HS3ST4: variants seen among roughly 807,000 people sequenced by gnomAD.
The protein encoded by HS3ST4 is heparan sulfate-glucosamine 3-sulfotransferase 4.
A neutral mutation model predicts 29.2 loss-of-function variants in HS3ST4; 17 were observed. That is an observed-to-expected ratio of 0.58 (90% CI 0.40 to 0.87). The LOEUF (loss-of-function observed/expected upper bound fraction) is 0.87, where lower values mean the gene tolerates loss of function less well. Ranked by LOEUF, HS3ST4 falls within the 40% of genes least tolerant of loss-of-function variation. The probability of loss-of-function intolerance (pLI) is 0.00; values close to 1 mark genes in which losing one functional copy is unlikely to be tolerated. For missense variants in HS3ST4, 627 were observed against 634.5 expected, an observed-to-expected ratio of 0.99 and a Z score of 0.13; for synonymous variants, 314 against 285.7, an observed-to-expected ratio of 1.10 and a Z score of -1.00.
intron 1 of HS3ST4, among the ~76,000 whole-genome samples, chr16:25,958,818 C>T (rs1968763266): frequency 6.6e-6 from 1 of 152,168 alleles, no homozygotes; most frequent in Admixed American, 6.5e-5. Context: ...CTCCTCACAG[C>T]ATGCTGGTTT....
At chr16:25,920,489 A>G (rs775799477) in intron 1 of HS3ST4, among the ~76,000 whole-genome samples, 7 of 151,888 alleles carry the variant, frequency 4.6e-5, no homozygotes, top group Non-Finnish European at 1.0e-4. Flanking sequence ...CTGTTTCTCA[A>G]ACACTCTGGC....
intron 1 of HS3ST4, among the ~76,000 whole-genome samples, chr16:25,892,853 T>TA (rs1359492602): frequency 6.6e-6 from 1 of 152,174 alleles, no homozygotes; most frequent in Non-Finnish European, 1.5e-5. Flanking sequence ...ACCAGGGATA[T>TA]AGCAGTGAAC....
intron 1 of HS3ST4, among the ~76,000 whole-genome samples, chr16:25,823,968 G>C (rs4583240): frequency 0.35 from 52,762 of 152,116 alleles, 9,308 homozygotes; most frequent in East Asian, 0.48. Flanking sequence ...TAGAGAACTT[G>C]AATAAAGTGA....
At chr16:25,879,959 C>T (rs889992307) in intron 1 of HS3ST4, among the ~76,000 whole-genome samples, 6 of 152,010 alleles carry the variant, frequency 3.9e-5, no homozygotes, top group East Asian at 3.9e-4. Context: ...TTCACTACCA[C>T]GAGAACAGTA....
intron 1 of HS3ST4, among the ~76,000 whole-genome samples, chr16:25,804,149 G>A (rs983450604): frequency 1.3e-5 from 2 of 152,112 alleles, no homozygotes; most frequent in Non-Finnish European, 2.9e-5. Context: ...GTGAGAATTC[G>A]ATGTGATAGT....
intron 1 of HS3ST4, among the ~76,000 whole-genome samples, chr16:25,832,844 T>C (rs1016093674): frequency 6.6e-6 from 1 of 152,200 alleles, no homozygotes; most frequent in African/African-American, 2.4e-5. Context: ...GATAGCACAA[T>C]TTGCAGCAAA....
At chr16:25,776,754 C>T (rs542245743) in intron 1 of HS3ST4, among the ~76,000 whole-genome samples, 19 of 152,322 alleles carry the variant, frequency 1.2e-4, no homozygotes, top group East Asian at 7.7e-4. Context: ...AACCCTTTCA[C>T]GAATGTTCTT....
intron 1 of HS3ST4, among the ~76,000 whole-genome samples, chr16:25,806,389 C>T (rs1202859176): frequency 6.6e-6 from 1 of 152,102 alleles, no homozygotes; most frequent in African/African-American, 2.4e-5. Flanking sequence ...CCATTTTCCT[C>T]AAGTCCCCTA....
intron 1 of HS3ST4, among the ~76,000 whole-genome samples, chr16:25,920,608 C>CT (rs765957650): frequency 0.01 from 1,346 of 133,836 alleles, 21 homozygotes; most frequent in Middle Eastern, 0.023. Context: ...CCCCACCCCT[C>CT]TTTTTTTTTT....
Position 25,757,724 on chromosome 16 carries a change from C to T in HS3ST4, c.734+64573C>T, listed in dbSNP as rs116341522. Among the ~76,000 whole-genome samples, 165 of 151,932 alleles carry T rather than the reference C, an allele frequency of 1.1e-3. 1 individual carries two copies. Among genetic ancestry groups the T allele is most frequent in the African/African-American group, 3.7e-3 (152 of 41,438 alleles). Reference sequence around the variant, plus strand: ...TCTAATTTAGAGGGAACATCAAACTCGGCATTTTTCTTCCTGGAGGCTACC... The same window carrying T: ...TCTAATTTAGAGGGAACATCAAACTTGGCATTTTTCTTCCTGGAGGCTACC... On this transcript the variant is annotated intron_variant, in intron 1 of 1. Transcript: ENST00000331351.
intron 1 of HS3ST4, among the ~76,000 whole-genome samples, chr16:26,049,746 C>T (rs974939208): frequency 2.0e-5 from 3 of 152,166 alleles, no homozygotes; most frequent in Admixed American, 1.3e-4. Flanking sequence ...TTACCTGTGC[C>T]TCTAACCGGT....
chr16:25,964,147 C>T (rs1439875439), intron 1 of HS3ST4, among the ~76,000 whole-genome samples: 2 of 150,976 alleles, frequency 1.3e-5, no homozygotes, highest in African/African-American at 4.9e-5. Flanking sequence ...TGCACTCCAG[C>T]CTGAGTGACA....
At chr16:25,959,696 T>A (rs1277126137) in intron 1 of HS3ST4, among the ~76,000 whole-genome samples, 1 of 152,174 alleles carries the variant, frequency 6.6e-6, no homozygotes, top group East Asian at 1.9e-4. Context: ...GGTTTGGATA[T>A]TTGTCCCCTC....
chr16:26,103,688 T>C (rs770170787), intron 1 of HS3ST4, among the ~76,000 whole-genome samples: 2 of 152,220 alleles, frequency 1.3e-5, no homozygotes, highest in Non-Finnish European at 1.5e-5. Flanking sequence ...GCTTAATTAA[T>C]CTAACACTAT....
At chr16:25,896,081 C>T (rs998096971) in intron 1 of HS3ST4, among the ~76,000 whole-genome samples, 3 of 152,154 alleles carry the variant, frequency 2.0e-5, no homozygotes, top group Non-Finnish European at 4.4e-5. Flanking sequence ...CCAACAGAAT[C>T]TCAGTCTCTT....
At chr16:25,755,905 G>C (rs2141603843) in intron 1 of HS3ST4, among the ~76,000 whole-genome samples, 1 of 152,190 alleles carries the variant, frequency 6.6e-6, no homozygotes, top group Middle Eastern at 3.4e-3. Flanking sequence ...TTATAGTAAA[G>C]AGGAAAGTGA....
intron 1 of HS3ST4, among the ~76,000 whole-genome samples, chr16:25,897,839 C>T (rs1443561252): frequency 1.3e-5 from 2 of 152,258 alleles, no homozygotes; most frequent in Non-Finnish European, 2.9e-5. Flanking sequence ...AGTTTATGTT[C>T]AGGTGCTTTG....
At chr16:25,805,437 C>G (rs1966980509) in intron 1 of HS3ST4, among the ~76,000 whole-genome samples, 1 of 152,136 alleles carries the variant, frequency 6.6e-6, no homozygotes, top group African/African-American at 2.4e-5. Flanking sequence ...ATTAGAAAGT[C>G]CTTGAGACAG....
intron 1 of HS3ST4, among the ~76,000 whole-genome samples, chr16:26,069,677 G>C (rs562259083): frequency 2.4e-4 from 37 of 151,292 alleles, no homozygotes; most frequent in Non-Finnish European, 5.9e-5. Flanking sequence ...ATCTACATTA[G>C]GTATATCTCC....
Sources: gnomAD v4.1 joint callset for allele counts (sites outside exome capture counted in the v4.1 genomes callset) on GRCh38, gnomAD v4.1.1 for gene constraint, MANE v1.5 for transcripts, NCBI Gene and HGNC (gene_info 2026-07-23, HGNC 2026-07-21) for gene names.